Variants in PRCP observed in about 807,000 individuals in gnomAD.
PRCP encodes the protein lysosomal Pro-X carboxypeptidase.
A neutral mutation model predicts 54.2 loss-of-function variants in PRCP; 46 were observed. The ratio of observed to expected loss-of-function variants is 0.85; its 90% CI spans 0.67 to 1.09. The LOEUF is 1.09. Ranked by LOEUF, PRCP falls within the 50% of genes least tolerant of loss-of-function variation. The probability of loss-of-function intolerance (pLI) is 0.00; values close to 1 mark genes in which losing one functional copy is unlikely to be tolerated. For synonymous variants in PRCP, 240 were observed against 212.2 expected (o/e 1.13, Z -1.14); for missense variants, 613 against 596.8 (o/e 1.03, Z -0.28).
Position 82,824,522 on chromosome 11 carries a change from T to C in PRCP, c.*384A>G, listed in dbSNP as rs529180280. The C allele has an allele frequency of 4.6e-6, 1 of 215,818 alleles. No homozygotes were observed. The highest frequency in any genetic ancestry group is 7.3e-5 in the South Asian group (1 of 13,612). 13.4% of individuals were successfully genotyped at this position (215,818 alleles called of 1,614,324 possible). On this transcript the variant is annotated 3_prime_UTR_variant, in exon 9 of 9. Transcript: ENST00000313010. ...TCTTCTGCTTTTACTTTGTGTAGGG[T>C]AGGGATGGGGACTTACAAATGGGCC...
intron 1 of PRCP, among the ~76,000 whole-genome samples, chr11:82,890,076 C>T (rs1859967451): frequency 6.6e-6 from 1 of 152,084 alleles, no homozygotes; most frequent in South Asian, 2.1e-4. Flanking sequence ...AAGTGCAATT[C>T]ACCAACTCCA....
intron 1 of PRCP, among the ~76,000 whole-genome samples, chr11:82,897,786 T>C (rs1451520374): frequency 6.6e-6 from 1 of 152,202 alleles, no homozygotes; most frequent in Non-Finnish European, 1.5e-5. Flanking sequence ...GAAGAATTTC[T>C]AAGCAGGGGA....
intron 8 of PRCP, chr11:82,827,938 GTCTT>G (rs1858281307): frequency 6.6e-6 from 1 of 152,118 alleles, no homozygotes; most frequent in Admixed American, 6.6e-5. Context: ...AATTTTTAAT[GTCTT>G]TGTTTCCAAT....
In PRCP at chr11:82,839,356, G is replaced by A; in HGVS notation, c.991C>T (p.Leu331=). 1 of 1,613,838 alleles carries A rather than the reference G, an allele frequency of 6.2e-7. No individual in the cohort carries two copies. Among genetic ancestry groups the A allele is most frequent in the African/African-American group, 1.3e-5 (1 of 74,998 alleles). Residue 331 remains leucine (L), a synonymous_variant, in exon 7 of 9, where the codon CTG becomes TTG. Transcript: ENST00000313010. ...SLLLQNIFQA[L]NVYYNYSGQV... ...CCCGAATAATTGTAATATACATTCA[G>A]AGCTTGGAAAATATTCTGCAGCAGC... is the stretch of plus-strand genomic sequence containing the variant.
At chr11:82,853,128 T>C in intron 3 of PRCP, 49 bp downstream of exon 3, 1 of 1,405,208 alleles carries the variant, frequency 7.1e-7, no homozygotes. Flanking sequence ...GAAACTATTC[T>C]AAATTGAAAA....
Position 82,853,425 on chromosome 11 carries a change from A to C in PRCP, c.310-147T>G, listed in dbSNP as rs553903779. ...CACAATTTGTGTTTGTTCCACAAAT[A>C]AATGACATAATTGATGTCTTATTGT... On this transcript the variant is annotated intron_variant, in intron 2 of 8. Transcript: ENST00000313010. The C allele has an allele frequency of 5.4e-6, 3 of 550,500 alleles. No homozygotes were observed. In the South Asian group the frequency reaches 9.0e-5, roughly 17 times the overall value. 34.1% of individuals were successfully genotyped at this position (550,500 alleles called of 1,614,324 possible).
intron 1 of PRCP, among the ~76,000 whole-genome samples, chr11:82,889,579 G>GA (rs900882979): frequency 3.3e-5 from 5 of 151,528 alleles, no homozygotes; most frequent in African/African-American, 9.7e-5. Context: ...AGAAGCAGAA[G>GA]AAAAAAAACA....
chr11:82,857,140 A>T (rs1288392544), intron 2 of PRCP, among the ~76,000 whole-genome samples: 1 of 152,198 alleles, frequency 6.6e-6, no homozygotes, highest in East Asian at 1.9e-4. Flanking sequence ...TTGACAACAT[A>T]AAAGAGAAAG....
chr11:82,835,447 G>A, intron 8 of PRCP: 1 of 188,054 alleles, frequency 5.3e-6, no homozygotes, highest in Non-Finnish European at 1.1e-5. Flanking sequence ...CAGCAATGCT[G>A]CCAGGGGCCT....
intron 8 of PRCP, among the ~76,000 whole-genome samples, chr11:82,832,893 T>A (rs1297631440): frequency 6.6e-6 from 1 of 152,234 alleles, no homozygotes; most frequent in African/African-American, 2.4e-5. Flanking sequence ...GGGAGTGCTG[T>A]TTCTTCAGAA....
At chr11:82,884,575 G>A (rs1434190976) in intron 1 of PRCP, among the ~76,000 whole-genome samples, 1 of 152,092 alleles carries the variant, frequency 6.6e-6, no homozygotes, top group Non-Finnish European at 1.5e-5. Flanking sequence ...ATCCAGTTGT[G>A]TCAAGTCTTA....
chr11:82,889,032 A>C (rs1177846092), intron 1 of PRCP, among the ~76,000 whole-genome samples: 10 of 129,500 alleles, frequency 7.7e-5, no homozygotes, highest in Non-Finnish European at 1.6e-4. Flanking sequence ...AGTACAAAAA[A>C]AGATTTGACC....
At chr11:82,896,021 A>C (rs989253100) in intron 1 of PRCP, among the ~76,000 whole-genome samples, 2 of 152,246 alleles carry the variant, frequency 1.3e-5, no homozygotes, top group Non-Finnish European at 2.9e-5. Context: ...AAATAGGAAT[A>C]GCTGGGTACT....
intron 1 of PRCP, among the ~76,000 whole-genome samples, chr11:82,881,160 C>A (rs1392326488): frequency 6.6e-6 from 1 of 152,144 alleles, no homozygotes; most frequent in Non-Finnish European, 1.5e-5. Context: ...GTTAGGAATT[C>A]ATTTAGTGGG....
intron 1 of PRCP, among the ~76,000 whole-genome samples, chr11:82,882,186 GGA>G (rs1859761608): frequency 6.6e-6 from 1 of 152,036 alleles, no homozygotes; most frequent in Non-Finnish European, 1.5e-5. Flanking sequence ...CAGAAGAAGT[GGA>G]GGAGGTGAAA....
intron 6 of PRCP, among the ~76,000 whole-genome samples, chr11:82,844,721 A>C: frequency 8.0e-6 from 1 of 125,712 alleles, no homozygotes; most frequent in East Asian, 2.4e-4. Flanking sequence ...AGACAGAGCG[A>C]GGCTCCGTCT....
At chr11:82,845,201 C>T (rs1191486081) in intron 6 of PRCP, among the ~76,000 whole-genome samples, 1 of 152,162 alleles carries the variant, frequency 6.6e-6, no homozygotes, top group African/African-American at 2.4e-5. Flanking sequence ...AACCTTACTA[C>T]CAAACTAATC....
rs796355392 is a variant in PRCP at position 82,824,897 on chromosome 11, A to AC, written c.*8_*9insG. Reference sequence around the variant, plus strand: ...ATAAAAGAAGAAATTGAAAACAATCAAAAGTTTCTCAGTGCTGCTTTCCCG... The same window carrying AC: ...ATAAAAGAAGAAATTGAAAACAATCACAAAGTTTCTCAGTGCTGCTTTCCCG... On this transcript the variant is annotated 3_prime_UTR_variant, in exon 9 of 9. Transcript: ENST00000313010. 1 of 1,610,842 alleles carries AC rather than the reference A, an allele frequency of 6.2e-7. No individual in the cohort carries two copies. Among genetic ancestry groups the AC allele is most frequent in the African/African-American group, 1.3e-5 (1 of 75,000 alleles).
At chr11:82,877,092 A>T (rs977731795) in intron 1 of PRCP, among the ~76,000 whole-genome samples, 1 of 152,212 alleles carries the variant, frequency 6.6e-6, no homozygotes, top group African/African-American at 2.4e-5. Context: ...TGTTTTAGTA[A>T]AGAGACTGGT....
Sources: gnomAD v4.1 joint callset for allele counts (sites outside exome capture counted in the v4.1 genomes callset) on GRCh38, gnomAD v4.1.1 for gene constraint, MANE v1.5 for transcripts, NCBI Gene and HGNC (gene_info 2026-07-23, HGNC 2026-07-21) for gene names.